The following CYP2R1 variants were observed in gnomAD, a reference collection of about 807,000 sequenced individuals.
CYP2R1 encodes the protein vitamin D 25-hydroxylase.
Under a neutral mutation model 45.7 loss-of-function variants are expected in CYP2R1, and 40 were observed. The ratio of observed to expected loss-of-function variants is 0.87; its 90% CI spans 0.68 to 1.14. The LOEUF is 1.14. CYP2R1 is among the 50% of genes most tolerant of loss of function. The pLI is 0.00. For synonymous variants in CYP2R1, 234 were observed against 219.3 expected, an observed-to-expected ratio of 1.07 and a Z score of -0.59; for missense variants, 605 against 602.6, an observed-to-expected ratio of 1.00 and a Z score of -0.04.
chr11:14,880,390 T>G lies in CYP2R1; in HGVS notation c.746A>C (p.Asn249Thr). The change falls in exon 3 of 5, where the codon AAT (asparagine) becomes ACT (threonine). Residue 249 changes from asparagine (N) to threonine (T), a missense_variant. Asn to Thr is a moderately conservative substitution (Grantham distance 65). Transcript: ENST00000334636. Reference sequence around the variant, plus strand: ...GAGAAAATCATAGACTACAGCTGCATTTCTAAACAGCTGTTGATGTTTTCC... The same window carrying G: ...GAGAAAATCATAGACTACAGCTGCAGTTCTAAACAGCTGTTGATGTTTTCC... ...PFGKHQQLFR[N>T]AAVVYDFLSR... 6.2e-7 allele frequency: 1 copy of G among 1,613,416 alleles called. No homozygotes were observed. The highest frequency in any genetic ancestry group is 8.5e-7 in the Non-Finnish European group (1 of 1,179,648).
At chr11:14,892,293 C>T (rs1249601200), upstream of CYP2R1, 3 of 1,294,862 alleles carry the variant, frequency 2.3e-6, no homozygotes, top group Non-Finnish European at 3.2e-6. Flanking sequence ...GGCAGGATAC[C>T]CTCAGGTCCC....
At chr11:14,883,339 T>C (rs1467077295) in intron 2 of CYP2R1, among the ~76,000 whole-genome samples, 3 of 151,978 alleles carry the variant, frequency 2.0e-5, no homozygotes, top group Admixed American at 6.6e-5. Flanking sequence ...AACAGAGATA[T>C]AGATCAATGG....
At position 14,877,947 on chromosome 11, in the gene CYP2R1, AAAAC is replaced by A. The variant is rs1848216316; in HGVS notation, c.*171_*174del. The A allele has an allele frequency of 1.6e-6, 1 of 639,968 alleles. No individual in the cohort carries two copies. The highest frequency in any genetic ancestry group is 2.6e-6 in the Non-Finnish European group (1 of 383,184). The allele number at this position is 639,968 out of a possible 1,614,324, so 39.6% of individuals were successfully genotyped here. ...TACCCCAGAAGTCATAAAATCTTGA[AAAAC>A]AATCACGACTAGTGCTTGTTTCTGC... On this transcript the variant is annotated 3_prime_UTR_variant, in exon 5 of 5. Transcript: ENST00000334636.
intron 4 of CYP2R1, among the ~76,000 whole-genome samples, 195 bp from the exon 5 acceptor site, chr11:14,878,492 C>A (rs150497452): frequency 2.1e-3 from 316 of 152,190 alleles, no homozygotes; most frequent in African/African-American, 7.4e-3. Flanking sequence ...TCATTTACCT[C>A]CTTTTGTTAG....
rs189127299 is a variant in CYP2R1, at chr11:14,880,780, T to A, written c.368-12A>T. 6.4e-3 allele frequency: 10,298 copies of A among 1,598,616 alleles called. 54 individuals are homozygous for A. The highest frequency in any genetic ancestry group is 7.7e-3 in the Non-Finnish European group (9,050 of 1,174,296). On this transcript the variant is annotated splice_polypyrimidine_tract_variant and intron_variant, in intron 2 of 4. Transcript: ENST00000334636. ...GGAATTGAGTAAGCCTGAAAAAAAA[T>A]ATTAAAATATTGTATAATTCCTACT...
intron 1 of CYP2R1, chr11:14,891,175 C>T: frequency 1.0e-6 from 1 of 985,476 alleles, no homozygotes; most frequent in African/African-American, 1.7e-5. Context: ...GTCGCCTTTT[C>T]CGCTGCCAGT....
rs1848338354 is a variant in CYP2R1, at chr11:14,880,533, A to G, written c.603T>C (p.Thr201=). 1.9e-6 allele frequency: 3 copies of G among 1,613,408 alleles called. No individual in the cohort carries two copies. The South Asian group carries it at 3.3e-5, about 18-fold the overall frequency. ...TNLIIFGERF[T]YEDTDFQHMI... Reference sequence around the variant, plus strand: ...TGTGCTGAAAATCGGTGTCTTCATAAGTGAATCGTTCTCCAAAAATGATCA... The same window carrying G: ...TGTGCTGAAAATCGGTGTCTTCATAGGTGAATCGTTCTCCAAAAATGATCA... The change falls in exon 3 of 5, where the codon ACT becomes ACC. Residue 201 remains threonine, a synonymous_variant. Transcript: ENST00000334636.
chr11:14,883,301 AACCAAAACAGCATGGTACTGGT>A, intron 2 of CYP2R1, among the ~76,000 whole-genome samples: 1 of 152,078 alleles, frequency 6.6e-6, no homozygotes, highest in Non-Finnish European at 1.5e-5. Flanking sequence ...AGGCTACACT[AACCAAAACAGCATGGTACTGGT>A]ACCAAAACAG....
chr11:14,891,654 T>C (rs1172569006), intron 1 of CYP2R1: 12 of 1,157,254 alleles, frequency 1.0e-5, no homozygotes, highest in Non-Finnish European at 1.2e-5. Context: ...ACCCTGGACC[T>C]GAAGTGGCGG....
Position 14,885,816 on chromosome 11 carries a change from T to A in CYP2R1, c.327A>T (p.Arg109Ser), listed in dbSNP as rs1555014269. ...TCTTCATGAATAAAGGAAGGCATGG[T>A]CTGTCTGCAAAAATTTCGCTTTGAT... Reference protein sequence around the residue: ...LVHQSEIFADRPCLPLFMKMT... With the variant: ...LVHQSEIFADSPCLPLFMKMT... Residue 109 changes from arginine to serine, a missense_variant, in exon 2 of 5, where the codon AGA becomes AGT. Arg to Ser is a moderately radical substitution (Grantham distance 110). Transcript: ENST00000334636. The A allele has an allele frequency of 3.1e-6, 5 of 1,613,378 alleles. No individual in the cohort carries two copies. The East Asian group carries it at 1.1e-4, about 36-fold the overall frequency.
At chr11:14,889,604 T>C (rs1390177842) in intron 1 of CYP2R1, among the ~76,000 whole-genome samples, 1 of 152,182 alleles carries the variant, frequency 6.6e-6, no homozygotes, top group African/African-American at 2.4e-5. Context: ...GAGCTCTCTC[T>C]GTAAAGAACC....
At chr11:14,891,638 G>A (rs1848861393) in intron 1 of CYP2R1, 2 of 1,108,482 alleles carry the variant, frequency 1.8e-6, no homozygotes, top group Non-Finnish European at 2.2e-6. Context: ...CTGAGGGCAT[G>A]CGTCCACCCT....
intron 1 of CYP2R1, chr11:14,891,289 G>T (rs1372121658): frequency 1.0e-6 from 1 of 985,326 alleles, no homozygotes; most frequent in Non-Finnish European, 1.2e-6. Context: ...CAAGTTGGCA[G>T]TGACAGTGGC....
In CYP2R1 at chr11:14,879,196, G is replaced by A; in HGVS notation, c.1248C>T (p.Asp416=). ...SVHFDEKYWR[D]PEVFHPERFL... The stretch of plus-strand genomic sequence containing the variant: ...ATCGCTCAGGATGGAACACTTCTGG[G>A]TCTCTCCAGTACTTTTCATCAAAGT... Residue 416 remains aspartate (D), a synonymous_variant, in exon 4 of 5, where the codon GAC becomes GAT. Coordinates refer to ENST00000334636, the MANE Select transcript of CYP2R1 (RefSeq NM_024514.5). 1 of 1,613,218 alleles carries A rather than the reference G, an allele frequency of 6.2e-7. No homozygotes were observed. The highest frequency in any genetic ancestry group is 8.5e-7 in the Non-Finnish European group (1 of 1,179,506).
intron 1 of CYP2R1, among the ~76,000 whole-genome samples, chr11:14,889,118 G>A (rs556149686): frequency 2.0e-5 from 3 of 151,764 alleles, no homozygotes; most frequent in South Asian, 2.1e-4. Flanking sequence ...ACACAAAGGC[G>A]GGTGTCACTT....
At chr11:14,886,218 G>C (rs1848615805) in intron 1 of CYP2R1, 1 of 354,410 alleles carries the variant, frequency 2.8e-6, no homozygotes, top group South Asian at 3.4e-5. Context: ...ACAGATAAAA[G>C]ACTCTGAGCA....
At position 14,881,553 on chromosome 11, in the gene CYP2R1, A is replaced by G. The variant is rs576567543; in HGVS notation, c.368-785T>C. Among the ~76,000 whole-genome samples the G allele has an allele frequency of 1.2e-4, 18 of 152,196 alleles. No individual in the cohort carries two copies. The East Asian group carries it at 1.5e-3, about 13-fold the overall frequency. On this transcript the variant is annotated intron_variant, in intron 2 of 4. Coordinates refer to ENST00000334636, the MANE Select transcript of CYP2R1 (RefSeq NM_024514.5). The stretch of plus-strand genomic sequence containing the variant: ...ATTTCACATTGATAAGTGATTCCCA[A>G]TGTTGGAGGTGGGGCATGGTGGGAA...
intron 1 of CYP2R1, among the ~76,000 whole-genome samples, chr11:14,890,021 C>A (rs1342456471): frequency 6.6e-6 from 1 of 151,882 alleles, no homozygotes; most frequent in African/African-American, 2.4e-5. Context: ...CCCAGCTACT[C>A]GGGAGGCTGA....
intron 1 of CYP2R1, chr11:14,887,695 T>G (rs1315397541): frequency 2.1e-6 from 2 of 964,038 alleles, no homozygotes; most frequent in African/African-American, 3.5e-5. Context: ...CTCATAATTT[T>G]TCACTCTCCC....
Sources: allele counts gnomAD v4.1 joint callset (sites outside exome capture counted in the v4.1 genomes callset), GRCh38; gene constraint gnomAD v4.1.1; transcripts MANE v1.5; gene names NCBI Gene and HGNC (gene_info 2026-07-23, HGNC 2026-07-21).